C16orf82: variants seen among roughly 807,000 people sequenced by gnomAD.
C16orf82 encodes the protein protein TNT.
For synonymous variants in C16orf82, 82 were observed against 85.5 expected, an observed-to-expected ratio of 0.96 and a Z score of 0.22; for missense variants, 176 against 206.1, an observed-to-expected ratio of 0.85 and a Z score of 0.89.
At position 27,066,995 on chromosome 16, in the gene C16orf82, C is replaced by T. The variant is rs192492522; in HGVS notation, c.-1C>T. 1,372 of 1,367,610 alleles carry T rather than the reference C, an allele frequency of 1.0e-3. 17 individuals carry two copies. In the African/African-American group the frequency reaches 0.018, roughly 18 times the overall value. The allele number at this position is 1,367,610 out of a possible 1,614,324, so 84.7% of individuals were successfully genotyped here. ...CAGAGGCCTCCCAGGGCCCCCTCTCCCTGGATAAACCACTTCAGCTGCCCC... is the reference window on the plus strand; with the variant it reads ...CAGAGGCCTCCCAGGGCCCCCTCTCTCTGGATAAACCACTTCAGCTGCCCC... On this transcript the variant is annotated 5_prime_UTR_variant, in exon 1 of 1. Transcript: ENST00000505035.
In C16orf82 at chr16:27,067,492, A is replaced by G. The variant is rs1359175900; in HGVS notation, c.*32A>G. On this transcript the variant is annotated 3_prime_UTR_variant, in exon 1 of 1. Transcript: ENST00000505035. Reference sequence around the variant, plus strand: ...CCTGCCCGGCAGCGGCAGCGGCAGCAGCATCCTGTCCAGCGCCAGCTTCAT... The same window carrying G: ...CCTGCCCGGCAGCGGCAGCGGCAGCGGCATCCTGTCCAGCGCCAGCTTCAT... 7.8e-7 allele frequency: 1 copy of G among 1,282,230 alleles called. No individual in the cohort carries two copies. Among genetic ancestry groups the G allele is most frequent in the Non-Finnish European group, 1.0e-6 (1 of 977,390 alleles). 79.4% of individuals were successfully genotyped at this position (1,282,230 alleles called of 1,614,324 possible).
Position 27,067,077 on chromosome 16 carries a change from G to C in C16orf82, c.82G>C (p.Glu28Gln), listed in dbSNP as rs776547149. ...CTCTGTCCAGAATGAGCAGGAAGGA[G>C]AGCCAAGCCTACAGTCACCCAGCTT... Residue 28 changes from glutamate (E) to glutamine (Q), a missense_variant, in exon 1 of 1, where the codon GAG becomes CAG. By Grantham distance (29) the Glu-to-Gln change is conservative. Coordinates refer to ENST00000505035, the MANE Select transcript of C16orf82 (RefSeq NM_001145545.2). 2.2e-5 allele frequency: 30 copies of C among 1,367,566 alleles called. No homozygotes were observed. The highest frequency in any genetic ancestry group is 5.7e-5 in the Admixed American group (3 of 52,568). 84.7% of individuals were successfully genotyped at this position (1,367,566 alleles called of 1,614,324 possible).
rs2141954082 is a variant in C16orf82 at position 27,067,383 on chromosome 16, A to G, written c.388A>G (p.Ile130Val). The G allele has an allele frequency of 8.2e-6, 11 of 1,334,752 alleles. 1 individual carries two copies. The South Asian group carries it at 1.1e-4, about 13-fold the overall frequency. The allele number at this position is 1,334,752 out of a possible 1,614,324, so 82.7% of individuals were successfully genotyped here. The change falls in exon 1 of 1, where the codon ATA becomes GTA. Residue 130 changes from isoleucine (I) to valine (V), a missense_variant. Ile to Val is a conservative substitution (Grantham distance 29). Coordinates refer to ENST00000505035, the MANE Select transcript of C16orf82 (RefSeq NM_001145545.2). ...TAACCAAACCAGCCAGCTGGGCTCC[A>G]TAGACCCTCCCAGCTCTCTAAAGAG...
Position 27,067,348 on chromosome 16 carries a change from A to C in C16orf82, c.353A>C (p.Gln118Pro). 1.5e-6 allele frequency: 2 copies of C among 1,345,570 alleles called. No homozygotes were observed. The highest frequency in any genetic ancestry group is 2.0e-6 in the Non-Finnish European group (2 of 1,011,840). The allele number at this position is 1,345,570 out of a possible 1,614,324, so 83.4% of individuals were successfully genotyped here. The change falls in exon 1 of 1, where the codon CAG becomes CCG. Residue 118 changes from glutamine to proline, a missense_variant. Transcript: ENST00000505035. ...CGGCTGAACAGAAGGCTCAACACCC[A>C]GGCGGCCAGTAACCAAACCAGCCAG...
chr16:27,068,253 G>A lies in C16orf82; in HGVS notation c.*793G>A, dbSNP rs988781494. 1.2e-5 allele frequency: 2 copies of A among 167,204 alleles called. No homozygotes were observed. The highest frequency in any genetic ancestry group is 4.8e-5 in the African/African-American group (2 of 41,426). 10.4% of individuals were successfully genotyped at this position (167,204 alleles called of 1,614,324 possible). A position where few individuals can be genotyped will look rare whatever the true frequency, so the allele number is the denominator to read the frequency against. Reference sequence around the variant, plus strand: ...CGCTGACGATATTAAGAACTGTCACGAGTTAGAACCTTCCATGATGAAACC... The same window carrying A: ...CGCTGACGATATTAAGAACTGTCACAAGTTAGAACCTTCCATGATGAAACC... On this transcript the variant is annotated 3_prime_UTR_variant, in exon 1 of 1. Coordinates refer to ENST00000505035, the MANE Select transcript of C16orf82 (RefSeq NM_001145545.2).
rs369091781 is a variant in C16orf82, at chr16:27,068,716, C to CTT, written c.*1271_*1272dup. On this transcript the variant is annotated 3_prime_UTR_variant, in exon 1 of 1. Coordinates refer to ENST00000505035, the MANE Select transcript of C16orf82 (RefSeq NM_001145545.2). ...ACCATCCCAGAGAGCTCCAAGCGTC[C>CTT]TTTTTTTTTTTTTTTTCCTTTGAGT... is the stretch of plus-strand genomic sequence containing the variant. The CTT allele has an allele frequency of 1.1e-4, 16 of 150,668 alleles. No homozygotes were observed. The highest frequency in any genetic ancestry group is 2.0e-4 in the East Asian group (1 of 4,932). 9.3% of individuals were successfully genotyped at this position (150,668 alleles called of 1,614,324 possible). A position where few individuals can be genotyped will look rare whatever the true frequency, so the allele number is the denominator to read the frequency against.
Position 27,067,104 on chromosome 16 carries a change from G to C in C16orf82, c.109G>C (p.Glu37Gln), listed in dbSNP as rs1193841574. Residue 37 changes from glutamate to glutamine, a missense_variant, in exon 1 of 1, where the codon GAG becomes CAG. Physicochemically the swap from Glu to Gln is conservative, Grantham distance 29. Transcript: ENST00000505035. ...GCCAAGCCTACAGTCACCCAGCTTA[G>C]AGCTCCAGTCCCCTGCGTGGCCACG... The C allele has an allele frequency of 2.9e-6, 4 of 1,367,366 alleles. No individual in the cohort carries two copies. The Admixed American group carries it at 7.6e-5, about 26-fold the overall frequency. 84.7% of individuals were successfully genotyped at this position (1,367,366 alleles called of 1,614,324 possible). A position where few individuals can be genotyped will look rare whatever the true frequency, so the allele number is the denominator to read the frequency against.
Position 27,068,235 on chromosome 16 carries a change from G to C in C16orf82, c.*775G>C, listed in dbSNP as rs962731741. ...GATGTTCTCGATGGCAAACGCTGAC[G>C]ATATTAAGAACTGTCACGAGTTAGA... On this transcript the variant is annotated 3_prime_UTR_variant, in exon 1 of 1. Coordinates refer to ENST00000505035, the MANE Select transcript of C16orf82 (RefSeq NM_001145545.2). 6.0e-6 allele frequency: 1 copy of C among 167,236 alleles called. No individual in the cohort carries two copies. The highest frequency in any genetic ancestry group is 1.5e-5 in the Non-Finnish European group (1 of 68,154). The allele number at this position is 167,236 out of a possible 1,614,324, so 10.4% of individuals were successfully genotyped here.
chr16:27,069,118 G>A lies in C16orf82; in HGVS notation c.*1658G>A, dbSNP rs1900444932. On this transcript the variant is annotated 3_prime_UTR_variant, in exon 1 of 1. Coordinates refer to ENST00000505035, the MANE Select transcript of C16orf82 (RefSeq NM_001145545.2). ...TGAAGACATCCACTAGGTACCAGAA[G>A]GAAAGCTGAGGGGGCAGCAAAGACA... 6.0e-6 allele frequency: 1 copy of A among 166,704 alleles called. No homozygotes were observed. The highest frequency in any genetic ancestry group is 6.5e-5 in the Admixed American group (1 of 15,282). 10.3% of individuals were successfully genotyped at this position (166,704 alleles called of 1,614,324 possible).
rs573692183 is a variant in C16orf82, at chr16:27,067,267, A to T, written c.272A>T (p.Tyr91Phe). 7.3e-7 allele frequency: 1 copy of T among 1,364,946 alleles called. No homozygotes were observed. The highest frequency in any genetic ancestry group is 1.9e-5 in the Admixed American group (1 of 52,146). 84.6% of individuals were successfully genotyped at this position (1,364,946 alleles called of 1,614,324 possible). A position where few individuals can be genotyped will look rare whatever the true frequency, so the allele number is the denominator to read the frequency against. ...AGCCATGCCAGCCTGAGCAGCGGGT[A>T]CGCAGGGGACAAGGAGGGCAGCGAC... The change falls in exon 1 of 1, where the codon TAC becomes TTC. Residue 91 changes from tyrosine (Y) to phenylalanine (F), a missense_variant. Coordinates refer to ENST00000505035, the MANE Select transcript of C16orf82 (RefSeq NM_001145545.2).
chr16:27,067,201 G>A lies in C16orf82; in HGVS notation c.206G>A (p.Ser69Asn). 7.3e-7 allele frequency: 1 copy of A among 1,366,806 alleles called. No individual in the cohort carries two copies. Among genetic ancestry groups the A allele is most frequent in the Non-Finnish European group, 9.8e-7 (1 of 1,021,552 alleles). 84.7% of individuals were successfully genotyped at this position (1,366,806 alleles called of 1,614,324 possible). The change falls in exon 1 of 1, where the codon AGT (serine) becomes AAT (asparagine). Residue 69 changes from serine (S) to asparagine (N), a missense_variant. By Grantham distance (46) the Ser-to-Asn change is conservative. Transcript: ENST00000505035. ...CTCAGTGACACCCAGAGCAGCGAGA[G>A]TCATGTTTCCAGCGTGCAGCACCCG...
At position 27,067,022 on chromosome 16, in the gene C16orf82, C is replaced by T. The variant is rs1277960705; in HGVS notation, c.27C>T (p.Pro9=). 2.9e-6 allele frequency: 4 copies of T among 1,367,730 alleles called. No homozygotes were observed. Among genetic ancestry groups the T allele is most frequent in the South Asian group, 1.1e-5 (1 of 88,052 alleles). The allele number at this position is 1,367,730 out of a possible 1,614,324, so 84.7% of individuals were successfully genotyped here. A position where few individuals can be genotyped will look rare whatever the true frequency, so the allele number is the denominator to read the frequency against. ...TGGATAAACCACTTCAGCTGCCCCC[C>T]ATTTTTCTCGAGGGAGAAAAAGGGG... The change falls in exon 1 of 1, where the codon CCC becomes CCT. Residue 9 remains proline, a synonymous_variant. Transcript: ENST00000505035.
chr16:27,067,185 A>T lies in C16orf82; in HGVS notation c.190A>T (p.Thr64Ser), dbSNP rs943459824. ...AGTGTCCAGCAGCTACCTCAGTGAC[A>T]CCCAGAGCAGCGAGAGTCATGTTTC... The change falls in exon 1 of 1, where the codon ACC becomes TCC. Residue 64 changes from threonine (T) to serine (S), a missense_variant. By Grantham distance (58) the Thr-to-Ser change is moderately conservative (BLOSUM62 1). Transcript: ENST00000505035. 1 of 1,366,706 alleles carries T rather than the reference A, an allele frequency of 7.3e-7. No individual in the cohort carries two copies. Among genetic ancestry groups the T allele is most frequent in the Non-Finnish European group, 9.8e-7 (1 of 1,021,518 alleles). The allele number at this position is 1,366,706 out of a possible 1,614,324, so 84.7% of individuals were successfully genotyped here.
chr16:27,067,849 A>T lies in C16orf82; in HGVS notation c.*389A>T. On this transcript the variant is annotated 3_prime_UTR_variant, in exon 1 of 1. Transcript: ENST00000505035. ...GTGGATATTCCCAAAACAAGTAGGA[A>T]AGGTGTTTTCAAAAGCACACACTGA... is the stretch of plus-strand genomic sequence containing the variant. 1 of 257,800 alleles carries T rather than the reference A, an allele frequency of 3.9e-6. No homozygotes were observed. Among genetic ancestry groups the T allele is most frequent in the East Asian group, 1.1e-4 (1 of 9,368 alleles). The allele number at this position is 257,800 out of a possible 1,614,324, so 16.0% of individuals were successfully genotyped here.
In C16orf82 at chr16:27,067,215, G is replaced by T; in HGVS notation, c.220G>T (p.Val74Leu). The change falls in exon 1 of 1, where the codon GTG (valine) becomes TTG (leucine). Residue 74 changes from valine to leucine, a missense_variant. Transcript: ENST00000505035. ...GAGCAGCGAGAGTCATGTTTCCAGC[G>T]TGCAGCACCCGAGGCCAGAGGAGGG... 1.5e-6 allele frequency: 2 copies of T among 1,366,550 alleles called. No homozygotes were observed. Among genetic ancestry groups the T allele is most frequent in the Admixed American group, 1.9e-5 (1 of 52,426 alleles). 84.7% of individuals were successfully genotyped at this position (1,366,550 alleles called of 1,614,324 possible). A position where few individuals can be genotyped will look rare whatever the true frequency, so the allele number is the denominator to read the frequency against.
At position 27,069,130 on chromosome 16, in the gene C16orf82, G is replaced by T; in HGVS notation, c.*1670G>T. 1 of 166,034 alleles carries T rather than the reference G, an allele frequency of 6.0e-6. No individual in the cohort carries two copies. The allele number at this position is 166,034 out of a possible 1,614,324, so 10.3% of individuals were successfully genotyped here. ...CTAGGTACCAGAAGGAAAGCTGAGG[G>T]GGCAGCAAAGACAATAAAAGGTGTC... On this transcript the variant is annotated 3_prime_UTR_variant, in exon 1 of 1. Transcript: ENST00000505035.
Position 27,067,197 on chromosome 16 carries a change from G to A in C16orf82, c.202G>A (p.Glu68Lys), listed in dbSNP as rs757580057. The A allele has an allele frequency of 1.6e-5, 22 of 1,366,588 alleles. No homozygotes were observed. The highest frequency in any genetic ancestry group is 4.6e-5 in the East Asian group (1 of 21,948). 84.7% of individuals were successfully genotyped at this position (1,366,588 alleles called of 1,614,324 possible). A position where few individuals can be genotyped will look rare whatever the true frequency, so the allele number is the denominator to read the frequency against. ...CTACCTCAGTGACACCCAGAGCAGC[G>A]AGAGTCATGTTTCCAGCGTGCAGCA... The change falls in exon 1 of 1, where the codon GAG becomes AAG. Residue 68 changes from glutamate (E) to lysine (K), a missense_variant. Physicochemically the swap from Glu to Lys is moderately conservative, Grantham distance 56. Transcript: ENST00000505035.
chr16:27,067,352 G>C lies in C16orf82; in HGVS notation c.357G>C (p.Ala119=). Residue 119 remains alanine, a synonymous_variant, in exon 1 of 1, where the codon GCG becomes GCC. Transcript: ENST00000505035. ...TGAACAGAAGGCTCAACACCCAGGCGGCCAGTAACCAAACCAGCCAGCTGG... is the reference window on the plus strand; with the variant it reads ...TGAACAGAAGGCTCAACACCCAGGCCGCCAGTAACCAAACCAGCCAGCTGG... 7.4e-7 allele frequency: 1 copy of C among 1,344,228 alleles called. No individual in the cohort carries two copies. Among genetic ancestry groups the C allele is most frequent in the Non-Finnish European group, 9.9e-7 (1 of 1,011,134 alleles). 83.3% of individuals were successfully genotyped at this position (1,344,228 alleles called of 1,614,324 possible).
chr16:27,067,596 G>A lies in C16orf82; in HGVS notation c.*136G>A. Reference sequence around the variant, plus strand: ...CCACAGCCAGCCTTCCCTCCACCCAGGCCAGCAGCCGTCAGAGCGTCCGGC... The same window carrying A: ...CCACAGCCAGCCTTCCCTCCACCCAAGCCAGCAGCCGTCAGAGCGTCCGGC... On this transcript the variant is annotated 3_prime_UTR_variant, in exon 1 of 1. Coordinates refer to ENST00000505035, the MANE Select transcript of C16orf82 (RefSeq NM_001145545.2). 1.5e-6 allele frequency: 1 copy of A among 659,082 alleles called. No homozygotes were observed. Among genetic ancestry groups the A allele is most frequent in the South Asian group, 1.8e-5 (1 of 54,276 alleles). 40.8% of individuals were successfully genotyped at this position (659,082 alleles called of 1,614,324 possible).
Sources: gnomAD v4.1 joint callset for allele counts on GRCh38, gnomAD v4.1.1 for gene constraint, MANE v1.5 for transcripts, NCBI Gene and HGNC (gene_info 2026-07-23, HGNC 2026-07-21) for gene names.